TMCC3: variants seen among roughly 807,000 people sequenced by gnomAD.
The protein encoded by TMCC3 is transmembrane and coiled-coil domain family 3.
In TMCC3, 28 loss-of-function variants were observed where a neutral mutation model predicts 40.2. The ratio of observed to expected loss-of-function variants is 0.70; its 90% confidence interval spans 0.52 to 0.95. TMCC3 has a LOEUF of 0.95. Ranked by LOEUF, TMCC3 falls within the 40% of genes least tolerant of loss-of-function variation. The probability of loss-of-function intolerance (pLI) is 0.00; values close to 1 mark genes in which losing one functional copy is unlikely to be tolerated. For synonymous variants in TMCC3, 255 were observed against 248.5 expected (o/e 1.03, Z -0.25); for missense variants, 554 against 615.2 (o/e 0.90, Z 1.05).
At chr12:94,629,403 C>T (rs1429724300) in intron 1 of TMCC3, among the ~76,000 whole-genome samples, 1 of 152,182 alleles carries the variant, frequency 6.6e-6, no homozygotes, top group Non-Finnish European at 1.5e-5. Context: ...GGAGAACTGT[C>T]CCTGCCACTC....
intron 1 of TMCC3, among the ~76,000 whole-genome samples, chr12:94,592,661 C>CAAAAAAAAAAAAAAAAAAAAA (rs869058316): frequency 0.044 from 1,207 of 27,408 alleles, 246 homozygotes; most frequent in Non-Finnish European, 0.063. Flanking sequence ...GGCTCCATCT[C>CAAAAAAAAAAAAAAAAAAAAA]AAAAAAAAAA....
intron 1 of TMCC3, among the ~76,000 whole-genome samples, chr12:94,632,674 G>A (rs766910624): frequency 2.4e-4 from 37 of 152,286 alleles, no homozygotes; most frequent in Non-Finnish European, 5.0e-4. Flanking sequence ...ACTCTCCCAC[G>A]AGTACAGAGA....
intron 1 of TMCC3, among the ~76,000 whole-genome samples, chr12:94,605,035 G>A (rs1436031897): frequency 6.6e-6 from 1 of 152,118 alleles, no homozygotes; most frequent in African/African-American, 2.4e-5. Context: ...GGCTAAATGG[G>A]TCATTCTAAA....
intron 1 of TMCC3, among the ~76,000 whole-genome samples, chr12:94,607,379 G>T (rs2068789993): frequency 6.6e-6 from 1 of 152,140 alleles, no homozygotes; most frequent in African/African-American, 2.4e-5. Context: ...TTAAAGACAG[G>T]CATAAGAAAT....
intron 1 of TMCC3, among the ~76,000 whole-genome samples, chr12:94,649,688 A>G (rs551781731): frequency 2.0e-5 from 3 of 152,318 alleles, no homozygotes; most frequent in South Asian, 2.1e-4. Context: ...TTGAAGCCCT[A>G]CAGGGCTCGT....
intron 1 of TMCC3, among the ~76,000 whole-genome samples, chr12:94,598,161 C>T (rs534436109): frequency 6.6e-6 from 1 of 152,184 alleles, no homozygotes; most frequent in Non-Finnish European, 1.5e-5. Context: ...AGAATTAAAA[C>T]TCCCATCTTC....
At chr12:94,572,314 TTTTTTTTTTTTTTTGA>T (rs2068536373) in intron 3 of TMCC3, among the ~76,000 whole-genome samples, 1 of 123,562 alleles carries the variant, frequency 8.1e-6, no homozygotes, top group Non-Finnish European at 1.8e-5. Flanking sequence ...ATCTTTTTTT[TTTTTTTTTTTTTTTGA>T]GACAGAGTTT....
intron 1 of TMCC3, among the ~76,000 whole-genome samples, chr12:94,620,295 A>AT (rs369322269): frequency 0.18 from 25,967 of 147,250 alleles, 2,752 homozygotes; most frequent in Non-Finnish European, 0.25. Context: ...AATAATTATT[A>AT]TTTTTTTTTT....
Position 94,571,723 on chromosome 12 carries a change from G to C in TMCC3, c.1146C>G (p.Ser382=). The change falls in exon 4 of 4, where the codon TCC becomes TCG. Residue 382 remains serine (S), a synonymous_variant. Transcript: ENST00000261226. ...RSRDIQEALE[S]CQTRISKLEL... is the part of the protein sequence containing the mutation. ...CCAGCTTAGAAATGCGAGTCTGGCAGGATTCCAAGGCTTCCTGTGAGCAAG... is the reference window on the plus strand; with the variant it reads ...CCAGCTTAGAAATGCGAGTCTGGCACGATTCCAAGGCTTCCTGTGAGCAAG... 1 of 1,613,920 alleles carries C rather than the reference G, an allele frequency of 6.2e-7. No individual in the cohort carries two copies. The highest frequency in any genetic ancestry group is 8.5e-7 in the Non-Finnish European group (1 of 1,179,910).
chr12:94,622,276 T>G (rs2068879781), intron 1 of TMCC3, among the ~76,000 whole-genome samples: 1 of 152,168 alleles, frequency 6.6e-6, no homozygotes, highest in African/African-American at 2.4e-5. Context: ...TCCAGCAAGC[T>G]TTAATTCAGG....
intron 1 of TMCC3, among the ~76,000 whole-genome samples, chr12:94,593,572 C>CCAGT: frequency 6.6e-6 from 1 of 151,328 alleles, no homozygotes; most frequent in Middle Eastern, 3.4e-3. Flanking sequence ...CTTTCATGGC[C>CCAGT]CAGTCCTTTC....
At chr12:94,643,657 G>GACTA (rs2069002786) in intron 1 of TMCC3, among the ~76,000 whole-genome samples, 2 of 152,200 alleles carry the variant, frequency 1.3e-5, no homozygotes, top group Non-Finnish European at 2.9e-5. Flanking sequence ...GGGAATATAT[G>GACTA]ACTACGTGCA....
At chr12:94,621,137 C>T (rs1227944066) in intron 1 of TMCC3, among the ~76,000 whole-genome samples, 8 of 152,194 alleles carry the variant, frequency 5.3e-5, no homozygotes, top group African/African-American at 1.9e-4. Flanking sequence ...GCTTAGAAAA[C>T]GCTGTGTTAT....
chr12:94,622,736 A>T (rs1435569036), intron 1 of TMCC3, among the ~76,000 whole-genome samples: 1 of 152,060 alleles, frequency 6.6e-6, no homozygotes, highest in African/African-American at 2.4e-5. Context: ...GTTGCCATGG[A>T]ACCCAATCAG....
At chr12:94,606,913 A>G (rs2068786964) in intron 1 of TMCC3, among the ~76,000 whole-genome samples, 1 of 152,164 alleles carries the variant, frequency 6.6e-6, no homozygotes. Context: ...AACAGGTGAG[A>G]GCAGAGAATT....
chr12:94,617,778 T>A (rs1053160609), intron 1 of TMCC3, among the ~76,000 whole-genome samples: 1 of 151,788 alleles, frequency 6.6e-6, no homozygotes, highest in Non-Finnish European at 1.5e-5. Flanking sequence ...GTGTTGGGGG[T>A]GGGATGGAGA....
intron 1 of TMCC3, among the ~76,000 whole-genome samples, chr12:94,648,270 G>A (rs1482263185): frequency 6.7e-6 from 1 of 148,694 alleles, no homozygotes; most frequent in Admixed American, 6.7e-5. Context: ...ACAGAGTCTC[G>A]CTCTGTGCCC....
chr12:94,614,932 T>C (rs1197746834), intron 1 of TMCC3, among the ~76,000 whole-genome samples: 2 of 151,960 alleles, frequency 1.3e-5, no homozygotes, highest in Non-Finnish European at 2.9e-5. Flanking sequence ...CAGCTAATTT[T>C]TGTATTTTAA....
intron 1 of TMCC3, among the ~76,000 whole-genome samples, chr12:94,639,759 G>A (rs1226241016): frequency 1.0e-5 from 1 of 95,748 alleles, no homozygotes; most frequent in Non-Finnish European, 2.2e-5. Context: ...AAAATCAAGA[G>A]GTAAGAAAAA....
Sources: allele counts gnomAD v4.1 joint callset (sites outside exome capture counted in the v4.1 genomes callset), GRCh38; gene constraint gnomAD v4.1.1; transcripts MANE v1.5; gene names NCBI Gene and HGNC (gene_info 2026-07-23, HGNC 2026-07-21).